The following NREP variants were observed in gnomAD, a reference collection of about 807,000 sequenced individuals.
NREP encodes neuronal regeneration-related protein.
In NREP, 5 loss-of-function variants were observed where a neutral mutation model predicts 8.6. The observed-to-expected ratio is 0.58, with a 90% CI of 0.30 to 1.22. The LOEUF (loss-of-function observed/expected upper bound fraction) is 1.22. NREP is among the 50% of genes most tolerant of loss of function. NREP has a pLI of 0.07. For missense variants in NREP, 86 were observed against 82.5 expected, an observed-to-expected ratio of 1.04 and a Z score of -0.17; for synonymous variants, 27 against 28.0, an observed-to-expected ratio of 0.96 and a Z score of 0.11.
intron 2 of NREP, among the ~76,000 whole-genome samples, chr5:111,795,491 T>C (rs1413481892): frequency 6.6e-6 from 1 of 152,244 alleles, no homozygotes; most frequent in Admixed American, 6.5e-5. Flanking sequence ...AAATATTCTT[T>C]GAATTTTGGT....
intron 2 of NREP, among the ~76,000 whole-genome samples, chr5:111,745,035 C>T (rs1749916271): frequency 6.6e-6 from 1 of 152,012 alleles, no homozygotes; most frequent in African/African-American, 2.4e-5. Context: ...AATTCGGGAA[C>T]CCACAGTTTT....
chr5:111,944,878 T>A (rs1459019223), intron 2 of NREP, among the ~76,000 whole-genome samples: 1 of 152,120 alleles, frequency 6.6e-6, no homozygotes, highest in Non-Finnish European at 1.5e-5. Flanking sequence ...CATTTCTCTA[T>A]TGATAATAAA....
upstream of NREP, chr5:111,757,416 T>C (rs1750794945): frequency 5.1e-6 from 5 of 982,728 alleles, no homozygotes; most frequent in East Asian, 1.1e-4. Flanking sequence ...GTCTCTCTCT[T>C]TCTCTAAGAG....
At chr5:111,882,893 C>T (rs2112518393) in intron 2 of NREP, among the ~76,000 whole-genome samples, 1 of 152,306 alleles carries the variant, frequency 6.6e-6, no homozygotes, top group South Asian at 2.1e-4. Flanking sequence ...TAAAGACCAT[C>T]GAGGCTAGGA....
At chr5:111,731,518 A>G (rs138831876) in intron 3 of NREP, among the ~76,000 whole-genome samples, 1,845 of 152,096 alleles carry the variant, frequency 0.012, 16 homozygotes, top group Non-Finnish European at 0.016. Flanking sequence ...TTAAAAACGT[A>G]TCTCAACTTG....
intron 3 of NREP, chr5:111,732,888 A>T (rs1251454422): frequency 1.3e-5 from 2 of 152,204 alleles, no homozygotes; most frequent in Admixed American, 6.5e-5. Flanking sequence ...TAGTCTTTAC[A>T]CAGCTTGCCT....
At chr5:111,756,455 A>T (rs1280064705) in intron 1 of NREP, among the ~76,000 whole-genome samples, 1 of 152,160 alleles carries the variant, frequency 6.6e-6, no homozygotes, top group Non-Finnish European at 1.5e-5. Flanking sequence ...TCTTTTGTTA[A>T]CACAGTTATG....
intron 2 of NREP, among the ~76,000 whole-genome samples, chr5:111,949,899 C>T (rs1003135424): frequency 7.2e-5 from 11 of 151,924 alleles, no homozygotes; most frequent in Middle Eastern, 3.2e-3. Context: ...TACATGTGCA[C>T]GTGTCTTTAT....
chr5:111,879,473 T>C (rs1328639100), intron 2 of NREP, among the ~76,000 whole-genome samples: 2 of 152,218 alleles, frequency 1.3e-5, no homozygotes, highest in African/African-American at 2.4e-5. Context: ...ATTCAAAGCA[T>C]AGAAAGGTTG....
intron 2 of NREP, among the ~76,000 whole-genome samples, chr5:111,871,338 T>C (rs998169312): frequency 2.0e-5 from 3 of 152,084 alleles, no homozygotes; most frequent in African/African-American, 4.8e-5. Flanking sequence ...ATGGTAAAGA[T>C]AAAAGATTTA....
At chr5:111,752,722 G>T (rs1164255867) in intron 2 of NREP, among the ~76,000 whole-genome samples, 1 of 152,074 alleles carries the variant, frequency 6.6e-6, no homozygotes, top group Non-Finnish European at 1.5e-5. Flanking sequence ...CAATTCCTAG[G>T]TCTCTGTTAA....
intron 2 of NREP, among the ~76,000 whole-genome samples, chr5:111,819,118 T>A (rs1415694183): frequency 7.9e-5 from 12 of 152,174 alleles, no homozygotes. Flanking sequence ...GCCTCTAGTT[T>A]CAGTAAACAA....
At chr5:111,765,159 A>T (rs1199868724) in intron 2 of NREP, among the ~76,000 whole-genome samples, 1 of 152,100 alleles carries the variant, frequency 6.6e-6, no homozygotes, top group Non-Finnish European at 1.5e-5. Flanking sequence ...TCCACCTCAG[A>T]TCATCGGGCA....
intron 2 of NREP, among the ~76,000 whole-genome samples, chr5:111,966,638 A>C (rs1756651414): frequency 6.6e-6 from 1 of 152,220 alleles, no homozygotes; most frequent in Non-Finnish European, 1.5e-5. Flanking sequence ...AGAAGGAGGA[A>C]AAAAGGAGAA....
intron 2 of NREP, among the ~76,000 whole-genome samples, chr5:111,907,433 A>G (rs968938143): frequency 6.6e-6 from 1 of 152,024 alleles, no homozygotes; most frequent in Non-Finnish European, 1.5e-5. Flanking sequence ...CATTTTTTGA[A>G]AAACTATCCT....
At chr5:111,925,506 C>T (rs1388153781) in intron 2 of NREP, among the ~76,000 whole-genome samples, 1 of 152,132 alleles carries the variant, frequency 6.6e-6, no homozygotes, top group Non-Finnish European at 1.5e-5. Flanking sequence ...CTGTAAAAGA[C>T]CGAGGTGGCT....
chr5:111,936,377 C>G (rs1298354422), intron 2 of NREP, among the ~76,000 whole-genome samples: 1 of 152,018 alleles, frequency 6.6e-6, no homozygotes, highest in East Asian at 1.9e-4. Flanking sequence ...TAAGACGTGC[C>G]TTGCTTCCCC....
At chr5:111,965,340 A>G (rs972491731) in intron 2 of NREP, among the ~76,000 whole-genome samples, 22 of 152,220 alleles carry the variant, frequency 1.4e-4, no homozygotes, top group Non-Finnish European at 3.1e-4. Flanking sequence ...ACACACACTC[A>G]GAGCCTGAAG....
chr5:111,761,840 A>G (rs1750966467), upstream of NREP, among the ~76,000 whole-genome samples: 1 of 152,228 alleles, frequency 6.6e-6, no homozygotes. Flanking sequence ...AGTTCAACCA[A>G]TCAGACCGAA....
Sources: gnomAD v4.1 joint callset for allele counts (sites outside exome capture counted in the v4.1 genomes callset) on GRCh38, gnomAD v4.1.1 for gene constraint, MANE v1.5 for transcripts, NCBI Gene and HGNC (gene_info 2026-07-23, HGNC 2026-07-21) for gene names.